The following SLC16A7 variants were observed in gnomAD, a reference collection of about 807,000 sequenced individuals.
SLC16A7 encodes solute carrier family 16 member 7.
In SLC16A7, 33 loss-of-function variants were observed where a neutral mutation model predicts 34.9. That is an observed-to-expected ratio of 0.94 (90% CI 0.72 to 1.26). SLC16A7 has a LOEUF of 1.26. Among genes scored for constraint, SLC16A7 ranks in the 50% most tolerant of loss-of-function variants. The pLI is 0.00. For synonymous variants in SLC16A7, 201 were observed against 206.6 expected (o/e 0.97, Z 0.23); for missense variants, 573 against 578.1 (o/e 0.99, Z 0.09).
intron 1 of SLC16A7, among the ~76,000 whole-genome samples, chr12:59,608,158 CT>C (rs1365357332): frequency 1.3e-5 from 2 of 152,166 alleles, no homozygotes; most frequent in Middle Eastern, 3.2e-3. Context: ...TTCTTTGTCA[CT>C]TTCTGCCCAC....
At chr12:59,690,533 G>A (rs1409559370) in intron 2 of SLC16A7, among the ~76,000 whole-genome samples, 1 of 151,994 alleles carries the variant, frequency 6.6e-6, no homozygotes, top group Non-Finnish European at 1.5e-5. Flanking sequence ...AGAAAGAAGA[G>A]TGTAGGAAGG....
At chr12:59,671,948 T>TATATAC (rs1214517180) in intron 2 of SLC16A7, among the ~76,000 whole-genome samples, 5 of 60,096 alleles carry the variant, frequency 8.3e-5, no homozygotes, top group Non-Finnish European at 1.2e-4. Context: ...TATATATGTG[T>TATATAC]ATATATGTAT....
intron 1 of SLC16A7, among the ~76,000 whole-genome samples, chr12:59,603,604 A>G (rs147756984): frequency 6.6e-6 from 1 of 152,186 alleles, no homozygotes; most frequent in Non-Finnish European, 1.5e-5. Context: ...TTTCAGGAAC[A>G]TTATGTTTAT....
At chr12:59,759,012 CT>C (rs35402388) in intron 3 of SLC16A7, among the ~76,000 whole-genome samples, 18,607 of 151,704 alleles carry the variant, frequency 0.12, 1,498 homozygotes, top group African/African-American at 0.22. Flanking sequence ...TCTGTATGGA[CT>C]TTTTTTTCTA....
chr12:59,704,354 C>G (rs935863042), intron 2 of SLC16A7, among the ~76,000 whole-genome samples: 3 of 152,026 alleles, frequency 2.0e-5, no homozygotes, highest in African/African-American at 7.2e-5. Context: ...CATTTCGTTC[C>G]TTGGCTTAGC....
intron 3 of SLC16A7, among the ~76,000 whole-genome samples, chr12:59,725,688 A>G (rs1437492722): frequency 2.0e-5 from 3 of 152,114 alleles, no homozygotes; most frequent in Non-Finnish European, 4.4e-5. Flanking sequence ...TGAATAATAA[A>G]TGCTTTTACT....
intron 1 of SLC16A7, among the ~76,000 whole-genome samples, chr12:59,618,608 T>C (rs752136272): frequency 2.0e-5 from 3 of 152,004 alleles, no homozygotes; most frequent in Non-Finnish European, 4.4e-5. Flanking sequence ...TAAAGTAGAA[T>C]GCTCCCTTCC....
At chr12:59,719,437 A>T (rs1453016312) in intron 3 of SLC16A7, among the ~76,000 whole-genome samples, 1 of 152,118 alleles carries the variant, frequency 6.6e-6, no homozygotes, top group Non-Finnish European at 1.5e-5. Context: ...AGAAGCTTGA[A>T]AAAGATCTAT....
intron 1 of SLC16A7, among the ~76,000 whole-genome samples, chr12:59,603,014 T>A (rs1878762980): frequency 6.6e-6 from 1 of 152,188 alleles, no homozygotes; most frequent in African/African-American, 2.4e-5. Flanking sequence ...TCTTCTTTCT[T>A]TCTGTCACCC....
chr12:59,779,972 C>A lies in SLC16A7; in HGVS notation c.*293C>A. On this transcript the variant is annotated 3_prime_UTR_variant, in exon 6 of 6. Transcript: ENST00000547379. ...AATTTTAAAGTCTTCCAGTGACTTTCGGTCTTGGTTATATGGAGAATTCTG... is the reference window on the plus strand; with the variant it reads ...AATTTTAAAGTCTTCCAGTGACTTTAGGTCTTGGTTATATGGAGAATTCTG... The A allele has an allele frequency of 4.0e-6, 1 of 247,274 alleles. No individual in the cohort carries two copies. The highest frequency in any genetic ancestry group is 2.3e-5 in the African/African-American group (1 of 43,710). The allele number at this position is 247,274 out of a possible 1,614,324, so 15.3% of individuals were successfully genotyped here.
chr12:59,771,374 A>T lies in SLC16A7; in HGVS notation c.361+12A>T. The T allele has an allele frequency of 1.3e-6, 2 of 1,560,768 alleles. No homozygotes were observed. Among genetic ancestry groups the T allele is most frequent in the Non-Finnish European group, 1.7e-6 (2 of 1,151,872 alleles). ...GGGATTCATTACAGGTAAGCCATTT[A>T]GTCTTCAGCTTATTCTTAACTCTTC... On this transcript the variant is annotated intron_variant, in intron 4 of 5. Transcript: ENST00000547379.
At chr12:59,761,601 C>T (rs1369750727) in intron 3 of SLC16A7, among the ~76,000 whole-genome samples, 1 of 152,008 alleles carries the variant, frequency 6.6e-6, no homozygotes, top group African/African-American at 2.4e-5. Context: ...TTATTTGTAG[C>T]ATAGATTGCT....
chr12:59,643,455 G>A (rs1370617855), intron 1 of SLC16A7, among the ~76,000 whole-genome samples: 1 of 152,010 alleles, frequency 6.6e-6, no homozygotes, highest in Non-Finnish European at 1.5e-5. Context: ...GGCCCTCTAG[G>A]CACTGCTAGG....
chr12:59,684,291 CA>C (rs948935925), intron 2 of SLC16A7, among the ~76,000 whole-genome samples: 3 of 152,238 alleles, frequency 2.0e-5, no homozygotes, highest in East Asian at 3.9e-4. Flanking sequence ...TTTAGAAAGA[CA>C]AAAGACTTCA....
chr12:59,622,246 T>C (rs183658720), intron 1 of SLC16A7, among the ~76,000 whole-genome samples: 2 of 152,056 alleles, frequency 1.3e-5, no homozygotes, highest in Admixed American at 1.3e-4. Flanking sequence ...TAAGCCACTG[T>C]AGTCTTTCTT....
intron 3 of SLC16A7, among the ~76,000 whole-genome samples, chr12:59,746,886 G>A (rs1188462252): frequency 1.3e-5 from 2 of 152,150 alleles, no homozygotes; most frequent in African/African-American, 4.8e-5. Flanking sequence ...GCAGGCTGGA[G>A]TGTAGTGACG....
chr12:59,748,257 T>A (rs767229421), intron 3 of SLC16A7, among the ~76,000 whole-genome samples: 8 of 152,186 alleles, frequency 5.3e-5, no homozygotes, highest in African/African-American at 7.2e-5. Context: ...ACAGGAACCC[T>A]TACAGACGCT....
intron 3 of SLC16A7, among the ~76,000 whole-genome samples, chr12:59,744,082 C>T (rs553832388): frequency 1.1e-4 from 17 of 152,218 alleles, no homozygotes; most frequent in African/African-American, 2.9e-4. Flanking sequence ...TATTATCTTG[C>T]GTAAGATTAT....
chr12:59,746,327 G>A (rs937014681), intron 3 of SLC16A7, among the ~76,000 whole-genome samples: 1 of 152,178 alleles, frequency 6.6e-6, no homozygotes. Context: ...CAATACAAGA[G>A]CCAAAGCAGA....
Sources: gnomAD v4.1 joint callset for allele counts (sites outside exome capture counted in the v4.1 genomes callset) on GRCh38, gnomAD v4.1.1 for gene constraint, MANE v1.5 for transcripts, NCBI Gene and HGNC (gene_info 2026-07-23, HGNC 2026-07-21) for gene names.